LRRTM4: variants seen among roughly 807,000 people sequenced by gnomAD.
LRRTM4 encodes leucine rich repeat transmembrane neuronal 4, also known as leucine-rich repeat transmembrane neuronal protein 4.
In LRRTM4, 25 loss-of-function variants were observed where a neutral mutation model predicts 47.6. That is an observed-to-expected ratio of 0.53 (90% confidence interval 0.38 to 0.73). LRRTM4 has a LOEUF of 0.73. Among genes scored for constraint, LRRTM4 ranks in the 30% least tolerant of loss-of-function variants. LRRTM4 has a pLI of 0.00. For missense variants in LRRTM4, 638 were observed against 713.4 expected, an observed-to-expected ratio of 0.89 and a Z score of 1.20; for synonymous variants, 311 against 269.5, an observed-to-expected ratio of 1.15 and a Z score of -1.51.
intron 3 of LRRTM4, among the ~76,000 whole-genome samples, chr2:76,911,856 G>C (rs567767195): frequency 6.8e-6 from 1 of 147,438 alleles, no homozygotes; most frequent in South Asian, 2.1e-4. Context: ...GTGTGTGTCT[G>C]TGTGTGTGTG....
intron 3 of LRRTM4, among the ~76,000 whole-genome samples, chr2:77,182,697 T>A (rs1673383722): frequency 6.6e-6 from 1 of 152,152 alleles, no homozygotes; most frequent in Admixed American, 6.5e-5. Context: ...GGCCAGAACT[T>A]CCAACACTAT....
intron 2 of LRRTM4, among the ~76,000 whole-genome samples, chr2:77,521,139 G>A (rs917420722): frequency 6.6e-6 from 1 of 151,688 alleles, no homozygotes; most frequent in African/African-American, 2.4e-5. Flanking sequence ...ACAGGAGAAA[G>A]GGGGGGAAAA....
At chr2:77,150,726 G>A (rs923141158) in intron 3 of LRRTM4, among the ~76,000 whole-genome samples, 4 of 152,076 alleles carry the variant, frequency 2.6e-5, no homozygotes, top group African/African-American at 7.2e-5. Context: ...GAGCAGAGGT[G>A]GTTGGATATT....
chr2:77,480,667 G>T lies in LRRTM4; in HGVS notation c.1551+37651C>A, dbSNP rs549922797. ...ACTACCAGCAGCAGGGGGTAAAAAA[G>T]AAAGTACAGGCATAAAATCTCACAA... On this transcript the variant is annotated intron_variant, in intron 3 of 3. Transcript: ENST00000409884. 3.3e-5 allele frequency among the ~76,000 whole-genome samples: 5 copies of T among 152,190 alleles called. No homozygotes were observed. In the East Asian group the frequency reaches 9.7e-4, roughly 29 times the overall value.
At chr2:76,907,160 A>G (rs2103765830) in intron 3 of LRRTM4, among the ~76,000 whole-genome samples, 1 of 152,048 alleles carries the variant, frequency 6.6e-6, no homozygotes, top group East Asian at 1.9e-4. Flanking sequence ...ACCACAGTGC[A>G]ATCAAACTAG....
At chr2:77,024,682 C>T (rs1452583550) in intron 3 of LRRTM4, among the ~76,000 whole-genome samples, 1 of 152,060 alleles carries the variant, frequency 6.6e-6, no homozygotes, top group African/African-American at 2.4e-5. Flanking sequence ...TCACTTAACA[C>T]TTTTCCAGTT....
At chr2:77,076,004 TC>T (rs1572930339) in intron 3 of LRRTM4, among the ~76,000 whole-genome samples, 1 of 149,056 alleles carries the variant, frequency 6.7e-6, no homozygotes, top group East Asian at 2.1e-4. Flanking sequence ...TGATGCAGAA[TC>T]CTTTCCAAAA....
chr2:77,515,330 T>G (rs1008785792), intron 3 of LRRTM4, among the ~76,000 whole-genome samples: 2 of 151,858 alleles, frequency 1.3e-5, no homozygotes, highest in Non-Finnish European at 2.9e-5. Context: ...TTATTTAATT[T>G]GAAAATTGCA....
chr2:76,798,170 C>T (rs1675455845), intron 3 of LRRTM4, among the ~76,000 whole-genome samples: 1 of 152,084 alleles, frequency 6.6e-6, no homozygotes, highest in African/African-American at 2.4e-5. Context: ...CCGCACCACA[C>T]CTATTCCAAA....
chr2:77,095,237 C>T (rs1670773818), intron 3 of LRRTM4, among the ~76,000 whole-genome samples: 1 of 152,116 alleles, frequency 6.6e-6, no homozygotes. Flanking sequence ...AGAATGTCTA[C>T]TATCAAAAAG....
chr2:77,043,600 G>A (rs1272730150), intron 3 of LRRTM4, among the ~76,000 whole-genome samples: 2 of 151,806 alleles, frequency 1.3e-5, no homozygotes, highest in African/African-American at 4.8e-5. Context: ...GAGAGAAAGA[G>A]TTAAGCAAGT....
intron 3 of LRRTM4, among the ~76,000 whole-genome samples, chr2:77,446,329 C>T (rs932686500): frequency 2.0e-5 from 3 of 151,964 alleles, no homozygotes; most frequent in Admixed American, 2.0e-4. Flanking sequence ...GTTGCACATT[C>T]TTCCTGCTGA....
At chr2:77,421,672 A>T (rs1674895572) in intron 3 of LRRTM4, among the ~76,000 whole-genome samples, 2 of 151,686 alleles carry the variant, frequency 1.3e-5, no homozygotes, top group South Asian at 4.1e-4. Flanking sequence ...ACACCACTGC[A>T]CTCCAGCCTG....
At chr2:76,894,115 G>A (rs773445613) in intron 3 of LRRTM4, among the ~76,000 whole-genome samples, 1 of 151,954 alleles carries the variant, frequency 6.6e-6, no homozygotes, top group Non-Finnish European at 1.5e-5. Flanking sequence ...CAGAGTACCA[G>A]TGGAAGGAAT....
chr2:77,278,718 T>C (rs1558665615), intron 3 of LRRTM4, among the ~76,000 whole-genome samples: 1 of 152,004 alleles, frequency 6.6e-6, no homozygotes. Flanking sequence ...GCTACCTCAC[T>C]CACAACATCT....
chr2:77,170,406 G>A (rs1033908475), intron 3 of LRRTM4, among the ~76,000 whole-genome samples: 4 of 152,212 alleles, frequency 2.6e-5, no homozygotes, highest in Non-Finnish European at 4.4e-5. Context: ...ACTAGATTCT[G>A]CCAGTAACAC....
At chr2:76,833,834 C>T (rs529066008) in intron 3 of LRRTM4, among the ~76,000 whole-genome samples, 25 of 151,310 alleles carry the variant, frequency 1.7e-4, no homozygotes, top group African/African-American at 5.1e-4. Flanking sequence ...ATGCATGTAC[C>T]TTATATACTG....
intron 3 of LRRTM4, among the ~76,000 whole-genome samples, chr2:77,388,816 T>C (rs571062859): frequency 3.3e-5 from 5 of 152,074 alleles, no homozygotes; most frequent in Non-Finnish European, 7.4e-5. Context: ...AAAAAATCTG[T>C]ATGTATTTAT....
chr2:76,832,206 C>G (rs1395561236), intron 3 of LRRTM4, among the ~76,000 whole-genome samples: 1 of 152,020 alleles, frequency 6.6e-6, no homozygotes, highest in Non-Finnish European at 1.5e-5. Context: ...TCTGAGTTTC[C>G]TATCACCAAT....
Sources: allele counts gnomAD v4.1 joint callset (sites outside exome capture counted in the v4.1 genomes callset), GRCh38; gene constraint gnomAD v4.1.1; transcripts MANE v1.5; gene names NCBI Gene and HGNC (gene_info 2026-07-23, HGNC 2026-07-21).